The following EGF variants were observed in gnomAD, a reference collection of about 807,000 sequenced individuals.
EGF encodes epidermal growth factor.
Under a neutral mutation model 143.8 loss-of-function variants are expected in EGF, and 95 were observed. The ratio of observed to expected loss-of-function variants is 0.66; its 90% CI spans 0.56 to 0.78. The LOEUF is 0.78. Among genes scored for constraint, EGF ranks in the 30% least tolerant of loss-of-function variants. The probability of loss-of-function intolerance (pLI) is 0.00; values close to 1 mark genes in which losing one functional copy is unlikely to be tolerated. For synonymous variants in EGF, 510 were observed against 510.5 expected (o/e 1.00, Z 0.01); for missense variants, 1,320 against 1,470.9 (o/e 0.90, Z 1.68).
chr4:109,929,178 AC>A lies in EGF; in HGVS notation c.128-11767del, dbSNP rs1739258098. Among the ~76,000 whole-genome samples the A allele has an allele frequency of 2.6e-5, 4 of 152,324 alleles. No individual in the cohort carries two copies. The South Asian group carries it at 8.3e-4, about 32-fold the overall frequency. On this transcript the variant is annotated intron_variant, in intron 1 of 23. Coordinates refer to ENST00000265171, the MANE Select transcript of EGF (RefSeq NM_001963.6). ...TAAAACACACTGAACAATTTCTAGTACATTCAGATAAGCAGTATAGCTTGGT... is the reference window on the plus strand; with the variant it reads ...TAAAACACACTGAACAATTTCTAGTAATTCAGATAAGCAGTATAGCTTGGT...
chr4:109,943,174 CTT>C, intron 2 of EGF, 78 bp from the exon 3 acceptor site: 1 of 1,018,296 alleles, frequency 9.8e-7, no homozygotes, highest in East Asian at 2.7e-5. Context: ...AAAGAATAGA[CTT>C]TTTATATATA....
At chr4:109,980,608 C>A (rs933875143) in intron 14 of EGF, 14 of 528,738 alleles carry the variant, frequency 2.6e-5, no homozygotes, top group Non-Finnish European at 4.4e-5. Context: ...CTGGCTATAC[C>A]CAGTACTAAT....
intron 1 of EGF, among the ~76,000 whole-genome samples, chr4:109,940,604 T>C (rs889877330): frequency 7.9e-5 from 12 of 152,256 alleles, no homozygotes; most frequent in African/African-American, 1.4e-4. Context: ...TTTACACTTA[T>C]ATAAATCCTT....
chr4:109,946,605 A>C (rs1384364327), intron 5 of EGF, among the ~76,000 whole-genome samples: 1 of 152,116 alleles, frequency 6.6e-6, no homozygotes, highest in Non-Finnish European at 1.5e-5. Flanking sequence ...CTACATACTC[A>C]TTTGCTTTCT....
intron 1 of EGF, among the ~76,000 whole-genome samples, chr4:109,918,407 A>G (rs764659214): frequency 2.0e-5 from 3 of 152,014 alleles, no homozygotes; most frequent in Non-Finnish European, 4.4e-5. Flanking sequence ...CCTGAGGGGG[A>G]CCTGGAGTTT....
chr4:109,935,833 G>C (rs1740680410), intron 1 of EGF, among the ~76,000 whole-genome samples: 1 of 152,162 alleles, frequency 6.6e-6, no homozygotes, highest in South Asian at 2.1e-4. Context: ...TTCTGTTTAT[G>C]TGATGGATTA....
intron 5 of EGF, among the ~76,000 whole-genome samples, chr4:109,953,736 C>T (rs1036460861): frequency 6.6e-6 from 1 of 152,110 alleles, no homozygotes; most frequent in Non-Finnish European, 1.5e-5. Flanking sequence ...GTCTTGCAGC[C>T]GTTGACACTG....
At chr4:109,921,230 A>T (rs1251865788) in intron 1 of EGF, among the ~76,000 whole-genome samples, 1 of 151,446 alleles carries the variant, frequency 6.6e-6, no homozygotes, top group Non-Finnish European at 1.5e-5. Context: ...CTTTCTTCTC[A>T]ATTCTGGGAA....
intron 15 of EGF, among the ~76,000 whole-genome samples, chr4:109,982,791 G>A (rs1356329062): frequency 2.0e-5 from 3 of 152,126 alleles, no homozygotes; most frequent in East Asian, 1.9e-4. Flanking sequence ...GTGGAAAAAG[G>A]CAGTTAACTT....
intron 11 of EGF, among the ~76,000 whole-genome samples, chr4:109,970,823 T>C (rs1445375424): frequency 2.1e-5 from 1 of 46,900 alleles, no homozygotes; most frequent in Non-Finnish European, 3.4e-5. Flanking sequence ...AGACTCCGTC[T>C]CAAAAAAAAA....
chr4:109,914,863 TTCC>T (rs1736336804), intron 1 of EGF, among the ~76,000 whole-genome samples: 3 of 152,204 alleles, frequency 2.0e-5, no homozygotes. Context: ...TGGGAGAATT[TTCC>T]GTGGAGTAGT....
intron 5 of EGF, 95 bp downstream of exon 5, chr4:109,945,370 AT>A (rs1742670058): frequency 4.8e-6 from 6 of 1,239,130 alleles, no homozygotes; most frequent in East Asian, 2.5e-5. Context: ...GGGAAAAAAA[AT>A]TTTTTTCTTC....
chr4:109,953,695 A>C (rs906532378), intron 5 of EGF, among the ~76,000 whole-genome samples: 3 of 152,028 alleles, frequency 2.0e-5, no homozygotes, highest in Admixed American at 6.6e-5. Context: ...CCTGACCTGG[A>C]GTTTCTAGTC....
intron 13 of EGF, among the ~76,000 whole-genome samples, chr4:109,976,878 G>A (rs1748585200): frequency 6.6e-6 from 1 of 152,200 alleles, no homozygotes; most frequent in South Asian, 2.1e-4. Context: ...ACCAGGATAT[G>A]TTGACTAAAC....
chr4:109,927,813 G>A (rs1042777869), intron 1 of EGF, among the ~76,000 whole-genome samples: 2 of 136,066 alleles, frequency 1.5e-5, no homozygotes, highest in Non-Finnish European at 3.2e-5. Flanking sequence ...TGCCGTGTGT[G>A]TGTGTGTGTG....
At chr4:109,919,309 CT>C (rs1560623088) in intron 1 of EGF, among the ~76,000 whole-genome samples, 1 of 145,940 alleles carries the variant, frequency 6.9e-6, no homozygotes, top group African/African-American at 2.6e-5. Flanking sequence ...CTCTCTCTCT[CT>C]CTCTCTCTCT....
intron 1 of EGF, among the ~76,000 whole-genome samples, chr4:109,927,718 C>A (rs1285777009): frequency 7.7e-6 from 1 of 129,088 alleles, no homozygotes; most frequent in East Asian, 2.2e-4. Flanking sequence ...AGAGAGACAC[C>A]GTCTCAAAAA....
At chr4:109,938,746 T>A (rs544865894) in intron 1 of EGF, among the ~76,000 whole-genome samples, 2 of 152,356 alleles carry the variant, frequency 1.3e-5, no homozygotes, top group South Asian at 4.1e-4. Flanking sequence ...CATTTCTGTT[T>A]GTTAGTTTTC....
rs1553926938 is a variant in EGF at position 109,919,301 on chromosome 4, C to CTG, written c.127+5840_127+5841insGT. Among the ~76,000 whole-genome samples, 50 of 126,374 alleles carry CTG rather than the reference C, an allele frequency of 4.0e-4. 1 individual carries two copies. The highest frequency in any genetic ancestry group is 1.4e-3 in the African/African-American group (46 of 32,972). The allele number at this position is 126,374 out of a possible 152,430, so 82.9% of individuals were successfully genotyped here. On this transcript the variant is annotated intron_variant, in intron 1 of 23. Transcript: ENST00000265171. ...CATGCTTCTCTGTCTCTCTCTCTCT[C>CTG]TCTCTCTCTCTCTCTCTCTCTCTCT... is the stretch of plus-strand genomic sequence containing the variant.
Sources: allele counts gnomAD v4.1 joint callset (sites outside exome capture counted in the v4.1 genomes callset), GRCh38; gene constraint gnomAD v4.1.1; transcripts MANE v1.5; gene names NCBI Gene and HGNC (gene_info 2026-07-23, HGNC 2026-07-21).